Variants in NKAIN2 observed in about 807,000 individuals in gnomAD.
The protein encoded by NKAIN2 is sodium/potassium-transporting ATPase subunit beta-1-interacting protein 2.
In NKAIN2, 14 loss-of-function variants were observed where a neutral mutation model predicts 32.6. That is an observed-to-expected ratio of 0.43 (90% CI 0.28 to 0.67). The LOEUF is 0.67. Among genes scored for constraint, NKAIN2 ranks in the 30% least tolerant of loss-of-function variants. NKAIN2 has a pLI of 0.17. For missense variants in NKAIN2, 198 were observed against 258.3 expected, an observed-to-expected ratio of 0.77 and a Z score of 1.60; for synonymous variants, 80 against 87.2, an observed-to-expected ratio of 0.92 and a Z score of 0.46.
chr6:124,344,348 G>C (rs907968679), intron 2 of NKAIN2, among the ~76,000 whole-genome samples: 1 of 152,100 alleles, frequency 6.6e-6, no homozygotes, highest in Non-Finnish European at 1.5e-5. Flanking sequence ...TTTTAAAGTA[G>C]TTTTTTCCAA....
At chr6:123,997,796 G>A (rs1244772798) in intron 1 of NKAIN2, among the ~76,000 whole-genome samples, 1 of 151,656 alleles carries the variant, frequency 6.6e-6, no homozygotes, top group Non-Finnish European at 1.5e-5. Flanking sequence ...GTAGAGGCAG[G>A]GTTTCACCGT....
intron 2 of NKAIN2, among the ~76,000 whole-genome samples, chr6:124,335,622 C>T (rs1317882686): frequency 6.6e-6 from 1 of 152,100 alleles, no homozygotes; most frequent in Non-Finnish European, 1.5e-5. Context: ...ACAACTACCA[C>T]ACATCTACCA....
chr6:124,158,165 T>C (rs1788082608), intron 1 of NKAIN2, among the ~76,000 whole-genome samples: 1 of 152,172 alleles, frequency 6.6e-6, no homozygotes, highest in Non-Finnish European at 1.5e-5. Flanking sequence ...GCAGTTTTCT[T>C]CTGAGGCCTC....
intron 1 of NKAIN2, among the ~76,000 whole-genome samples, chr6:124,180,698 C>T (rs1789399446): frequency 6.6e-6 from 1 of 152,184 alleles, no homozygotes; most frequent in Non-Finnish European, 1.5e-5. Flanking sequence ...TCCTTTCTAC[C>T]TATGAGCCTG....
At chr6:124,121,419 G>C (rs1237279428) in intron 1 of NKAIN2, among the ~76,000 whole-genome samples, 2 of 151,820 alleles carry the variant, frequency 1.3e-5, no homozygotes, top group Admixed American at 1.3e-4. Context: ...TAGTACATAG[G>C]TATATCTATA....
chr6:124,454,106 T>TTGG (rs1491320529), intron 3 of NKAIN2, among the ~76,000 whole-genome samples: 2,014 of 60,596 alleles, frequency 0.033, 35 homozygotes, highest in Non-Finnish European at 0.065. Flanking sequence ...GTTTTTTTTT[T>TTGG]GGGGGGGGGG....
chr6:124,407,005 G>GC (rs1247133413), intron 3 of NKAIN2, among the ~76,000 whole-genome samples: 3 of 151,690 alleles, frequency 2.0e-5, no homozygotes, highest in African/African-American at 4.8e-5. Flanking sequence ...TACAAATTTT[G>GC]CCCCCATTGG....
Position 124,712,506 on chromosome 6 carries a change from G to T in NKAIN2, c.474+54120G>T, listed in dbSNP as rs9401766. Among the ~76,000 whole-genome samples the T allele has an allele frequency of 5.0e-5, 5 of 100,638 alleles. 2 individuals carry two copies. Among genetic ancestry groups the T allele is most frequent in the Non-Finnish European group, 1.0e-4 (5 of 48,270 alleles). 66.0% of individuals were successfully genotyped at this position (100,638 alleles called of 152,430 possible). A position where few individuals can be genotyped will look rare whatever the true frequency, so the allele number is the denominator to read the frequency against. ...GTAGGACCCTCCAAGCCAGGTGCAGGATATAATCTGGTGGTGTGCCGTTTT... is the reference window on the plus strand; with the variant it reads ...GTAGGACCCTCCAAGCCAGGTGCAGTATATAATCTGGTGGTGTGCCGTTTT... On this transcript the variant is annotated intron_variant, in intron 4 of 6. Transcript: ENST00000368417.
rs944356371 is a variant in NKAIN2 at position 124,495,463 on chromosome 6, C to T, written c.273+140116C>T. 7.2e-5 allele frequency among the ~76,000 whole-genome samples: 11 copies of T among 152,046 alleles called. No individual in the cohort carries two copies. In the South Asian group the frequency reaches 1.2e-3, roughly 17 times the overall value. On this transcript the variant is annotated intron_variant, in intron 3 of 6. Coordinates refer to ENST00000368417, the MANE Select transcript of NKAIN2 (RefSeq NM_001040214.3). ...GCAGTGCCTCTCACAGTCTACTATGCGTATGAATCACCTAGGATCTTGTTA... is the reference window on the plus strand; with the variant it reads ...GCAGTGCCTCTCACAGTCTACTATGTGTATGAATCACCTAGGATCTTGTTA...
chr6:123,804,357 TAAAAG>T lies in NKAIN2; in HGVS notation c.54+105_54+109del, dbSNP rs536177906. Reference sequence around the variant, plus strand: ...CATTGACTAGAATGGACGAAAAAGATAAAAGAGAAGGTGACAGATATATTGCCTAT... The same window carrying T: ...CATTGACTAGAATGGACGAAAAAGATAGAAGGTGACAGATATATTGCCTAT... On this transcript the variant is annotated intron_variant, in intron 1 of 6. Coordinates refer to ENST00000368417, the MANE Select transcript of NKAIN2 (RefSeq NM_001040214.3). 259 of 999,836 alleles carry T rather than the reference TAAAAG, an allele frequency of 2.6e-4. 3 individuals are homozygous for T. In the South Asian group the frequency reaches 3.1e-3, roughly 12 times the overall value. The allele number at this position is 999,836 out of a possible 1,614,324, so 61.9% of individuals were successfully genotyped here.
chr6:123,955,615 A>G (rs1281018149), intron 1 of NKAIN2, among the ~76,000 whole-genome samples: 1 of 150,082 alleles, frequency 6.7e-6, no homozygotes, highest in Admixed American at 6.7e-5. Flanking sequence ...ATTTTATTTT[A>G]TTTTATTTTA....
chr6:123,938,514 T>C (rs1425480305), intron 1 of NKAIN2, among the ~76,000 whole-genome samples: 4 of 138,642 alleles, frequency 2.9e-5, no homozygotes, highest in Non-Finnish European at 6.2e-5. Flanking sequence ...TAATATATTA[T>C]ATATATTTAT....
intron 1 of NKAIN2, among the ~76,000 whole-genome samples, chr6:124,179,027 T>A (rs975109340): frequency 9.2e-5 from 14 of 152,226 alleles, no homozygotes; most frequent in African/African-American, 3.4e-4. Context: ...ACAGGTGCTG[T>A]ACAATACAGG....
At chr6:124,699,388 G>A (rs1369629289) in intron 4 of NKAIN2, among the ~76,000 whole-genome samples, 1 of 152,278 alleles carries the variant, frequency 6.6e-6, no homozygotes, top group East Asian at 1.9e-4. Flanking sequence ...AGTGACCCAA[G>A]AGGAGGCTGC....
At chr6:124,743,486 C>T (rs1393602994) in intron 4 of NKAIN2, among the ~76,000 whole-genome samples, 2 of 151,756 alleles carry the variant, frequency 1.3e-5, no homozygotes, top group Admixed American at 1.3e-4. Context: ...GTGTGCTCTT[C>T]TAGCTTTGGT....
At chr6:124,627,043 G>A (rs1742253610) in intron 3 of NKAIN2, among the ~76,000 whole-genome samples, 1 of 152,206 alleles carries the variant, frequency 6.6e-6, no homozygotes, top group Non-Finnish European at 1.5e-5. Context: ...GACAAGGTGG[G>A]TGGATAACTT....
chr6:124,405,387 C>A (rs898903913), intron 3 of NKAIN2, among the ~76,000 whole-genome samples: 3 of 152,006 alleles, frequency 2.0e-5, no homozygotes, highest in African/African-American at 4.8e-5. Flanking sequence ...AATTTTCAGA[C>A]CTTAGAAACT....
At chr6:124,311,441 G>T (rs1016877030) in intron 2 of NKAIN2, among the ~76,000 whole-genome samples, 1 of 152,086 alleles carries the variant, frequency 6.6e-6, no homozygotes. Flanking sequence ...CTTCCATTGT[G>T]TGGATATGCT....
intron 1 of NKAIN2, among the ~76,000 whole-genome samples, chr6:124,038,924 A>G (rs1052647740): frequency 6.6e-6 from 1 of 152,230 alleles, no homozygotes; most frequent in Admixed American, 6.6e-5. Context: ...TCTCTCCCTC[A>G]GGAATCTCTG....
Sources: allele counts gnomAD v4.1 joint callset (sites outside exome capture counted in the v4.1 genomes callset), GRCh38; gene constraint gnomAD v4.1.1; transcripts MANE v1.5; gene names NCBI Gene and HGNC (gene_info 2026-07-23, HGNC 2026-07-21).